The following ADGRB3 variants were observed in gnomAD, a reference collection of about 807,000 sequenced individuals.
ADGRB3 encodes the protein adhesion G protein-coupled receptor B3.
Under a neutral mutation model 193.4 loss-of-function variants are expected in ADGRB3, and 37 were observed. That is an observed-to-expected ratio of 0.19 (90% CI 0.15 to 0.25). The LOEUF (loss-of-function observed/expected upper bound fraction) is 0.25, where lower values mean the gene tolerates loss of function less well. Among genes scored for constraint, ADGRB3 ranks in the 10% least tolerant of loss-of-function variants. The pLI is 1.00. For synonymous variants in ADGRB3, 690 were observed against 644.2 expected, an observed-to-expected ratio of 1.07 and a Z score of -1.08; for missense variants, 1,637 against 1,852.9, an observed-to-expected ratio of 0.88 and a Z score of 2.14.
At chr6:69,063,594 G>T (rs1293064521) in intron 16 of ADGRB3, among the ~76,000 whole-genome samples, 1 of 151,964 alleles carries the variant, frequency 6.6e-6, no homozygotes, top group African/African-American at 2.4e-5. Flanking sequence ...TCAGAGGAAG[G>T]GGGTGCTGGG....
chr6:69,099,556 G>A (rs1020174120), intron 17 of ADGRB3, among the ~76,000 whole-genome samples: 5 of 152,156 alleles, frequency 3.3e-5, no homozygotes, highest in African/African-American at 1.2e-4. Flanking sequence ...GGAAGCCTTG[G>A]TCCTTTTCAA....
intron 20 of ADGRB3, among the ~76,000 whole-genome samples, chr6:69,324,072 C>A (rs903509945): frequency 6.6e-6 from 1 of 151,876 alleles, no homozygotes. Flanking sequence ...GCAATTATAC[C>A]AACAGTGAAA....
intron 3 of ADGRB3, among the ~76,000 whole-genome samples, chr6:68,681,185 C>T (rs536757462): frequency 6.6e-6 from 1 of 152,278 alleles, no homozygotes; most frequent in Admixed American, 6.5e-5. Context: ...GTGGAGAGGA[C>T]ACCAAGCCAT....
At chr6:68,922,311 TTC>T (rs1001031426) in intron 3 of ADGRB3, among the ~76,000 whole-genome samples, 1 of 152,188 alleles carries the variant, frequency 6.6e-6, no homozygotes, top group Non-Finnish European at 1.5e-5. Context: ...ATAAAAAAAT[TTC>T]TGTCTCATGT....
At chr6:68,837,154 CA>C (rs1439877851) in intron 3 of ADGRB3, among the ~76,000 whole-genome samples, 3 of 152,086 alleles carry the variant, frequency 2.0e-5, no homozygotes, top group African/African-American at 7.2e-5. Flanking sequence ...GCATACAAAA[CA>C]AAAACTAAAG....
At chr6:69,052,104 G>T (rs1406976330) in intron 15 of ADGRB3, among the ~76,000 whole-genome samples, 1 of 152,120 alleles carries the variant, frequency 6.6e-6, no homozygotes, top group Admixed American at 6.5e-5. Context: ...TAGCCAGGAT[G>T]GCCTTGATTT....
At chr6:68,814,850 G>A (rs1767597156) in intron 3 of ADGRB3, among the ~76,000 whole-genome samples, 1 of 152,108 alleles carries the variant, frequency 6.6e-6, no homozygotes, top group Non-Finnish European at 1.5e-5. Context: ...ATCAATAAAT[G>A]TAATCCAGCA....
chr6:68,997,022 C>A (rs1321187195), intron 11 of ADGRB3, among the ~76,000 whole-genome samples: 2 of 152,014 alleles, frequency 1.3e-5, no homozygotes, highest in Non-Finnish European at 2.9e-5. Flanking sequence ...GGAATATATT[C>A]TTTTAAATGT....
intron 3 of ADGRB3, among the ~76,000 whole-genome samples, chr6:68,816,802 G>C (rs1032184996): frequency 2.0e-5 from 3 of 151,976 alleles, no homozygotes; most frequent in African/African-American, 7.2e-5. Flanking sequence ...TAAGTAAATG[G>C]GCAAATCAGG....
At chr6:69,325,075 A>T (rs1165568576) in intron 21 of ADGRB3, 53 bp downstream of exon 21, 2 of 1,567,966 alleles carry the variant, frequency 1.3e-6, no homozygotes, top group African/African-American at 2.7e-5. Flanking sequence ...CGTTGAACAC[A>T]CATTAGAAAG....
rs750878276 is a variant in ADGRB3, at chr6:68,639,240, T to C, written c.565T>C (p.Cys189Arg). The C allele has an allele frequency of 5.0e-6, 8 of 1,614,032 alleles. No individual in the cohort carries two copies. The highest frequency in any genetic ancestry group is 6.8e-6 in the Non-Finnish European group (8 of 1,180,038). Residue 189 changes from cysteine (C) to arginine (R), a missense_variant, in exon 3 of 32, where the codon TGT becomes CGT. Transcript: ENST00000370598. ...LKSENGRTES[C>R]GIMYTKCTCP... ...ATCAGAAAATGGGAGAACAGAATCA[T>C]GTGGGATCATGTATACAAAATGCAC...
At chr6:68,727,226 A>G (rs1045789029) in intron 3 of ADGRB3, among the ~76,000 whole-genome samples, 13 of 151,594 alleles carry the variant, frequency 8.6e-5, no homozygotes, top group African/African-American at 3.1e-4. Context: ...AAATTGTGAA[A>G]ACAAAGGCCT....
chr6:68,965,351 C>T (rs1396213490), intron 8 of ADGRB3, among the ~76,000 whole-genome samples: 1 of 152,114 alleles, frequency 6.6e-6, no homozygotes, highest in African/African-American at 2.4e-5. Context: ...TCTTATTTTC[C>T]TCTGCATCCT....
intron 17 of ADGRB3, among the ~76,000 whole-genome samples, chr6:69,102,667 G>A (rs1317528046): frequency 2.0e-5 from 3 of 152,166 alleles, no homozygotes; most frequent in African/African-American, 4.8e-5. Context: ...CGGAGCCCAA[G>A]TGAAAAATAG....
chr6:68,733,908 C>T (rs1488143198), intron 3 of ADGRB3, among the ~76,000 whole-genome samples: 1 of 151,082 alleles, frequency 6.6e-6, no homozygotes, highest in Admixed American at 6.6e-5. Context: ...GGGATGAATA[C>T]CCCATTCGCC....
chr6:68,650,712 G>A (rs923859297), intron 3 of ADGRB3, among the ~76,000 whole-genome samples: 7 of 151,874 alleles, frequency 4.6e-5, no homozygotes, highest in Admixed American at 6.6e-5. Flanking sequence ...GTTTTATTCC[G>A]GAAAACAATC....
intron 17 of ADGRB3, among the ~76,000 whole-genome samples, chr6:69,224,520 A>G (rs1765968424): frequency 6.6e-6 from 1 of 152,182 alleles, no homozygotes; most frequent in Admixed American, 6.6e-5. Flanking sequence ...CAAATGATCA[A>G]TGTTCGAGGC....
intron 3 of ADGRB3, among the ~76,000 whole-genome samples, chr6:68,756,736 C>T (rs1441192390): frequency 1.3e-5 from 2 of 152,098 alleles, no homozygotes; most frequent in African/African-American, 4.8e-5. Flanking sequence ...TATTTAATTC[C>T]AAAACTCTTG....
intron 3 of ADGRB3, among the ~76,000 whole-genome samples, chr6:68,823,940 C>T (rs978976581): frequency 1.3e-5 from 2 of 151,986 alleles, no homozygotes; most frequent in African/African-American, 4.8e-5. Context: ...TTTCTGAGAA[C>T]TTCAGTTTTT....
Sources: gnomAD v4.1 joint callset for allele counts (sites outside exome capture counted in the v4.1 genomes callset) on GRCh38, gnomAD v4.1.1 for gene constraint, MANE v1.5 for transcripts, NCBI Gene and HGNC (gene_info 2026-07-23, HGNC 2026-07-21) for gene names.